Variants in COL4A4 observed in about 807,000 individuals in gnomAD.
COL4A4 encodes the protein collagen alpha-4(IV) chain.
COL4A4 carries 105 observed loss-of-function variants against 192.9 expected under a neutral mutation model. The observed-to-expected ratio is 0.54, with a 90% confidence interval of 0.46 to 0.64. The LOEUF is 0.64. COL4A4 is among the 30% of genes least tolerant of loss of function. The pLI is 0.00. For synonymous variants in COL4A4, 762 were observed against 769.9 expected (o/e 0.99, Z 0.17); for missense variants, 1,967 against 2,169.3 (o/e 0.91, Z 1.85).
intron 46 of COL4A4, among the ~76,000 whole-genome samples, chr2:227,009,240 G>A (rs1373041202): frequency 6.6e-6 from 1 of 152,174 alleles, no homozygotes; most frequent in African/African-American, 2.4e-5. Context: ...TGGGGTCACT[G>A]CCTAGTGAGA....
Position 227,062,524 on chromosome 2 carries a change from T to C in COL4A4, c.2056+6A>G, listed in dbSNP as rs757393720. On this transcript the variant is annotated splice_donor_region_variant and intron_variant, in intron 26 of 47. Coordinates refer to ENST00000396625, the MANE Select transcript of COL4A4 (RefSeq NM_000092.5). The stretch of plus-strand genomic sequence containing the variant: ...ATATAAGACAGTAACTTCTCATTGA[T>C]AATACCTGGAGGTCCATCAAAACCT... The C allele has an allele frequency of 6.4e-7, 1 of 1,573,128 alleles. No homozygotes were observed. The highest frequency in any genetic ancestry group is 1.1e-5 in the South Asian group (1 of 90,270).
intron 1 of COL4A4, among the ~76,000 whole-genome samples, chr2:227,153,247 G>A (rs906874915): frequency 6.6e-6 from 1 of 152,168 alleles, no homozygotes; most frequent in Non-Finnish European, 1.5e-5. Flanking sequence ...TGAGGTTTGG[G>A]TGGAGACACA....
rs6436649 is a variant in COL4A4, at chr2:227,059,236, A to G, written c.2383+169T>C. Among the ~76,000 whole-genome samples the G allele has an allele frequency of 0.66, 100,888 of 152,184 alleles. 34,364 individuals are homozygous for G. The highest frequency in any genetic ancestry group is 0.82 in the African/African-American group (33,983 of 41,522). Reference sequence around the variant, plus strand: ...ATCAATAAAGTGCAAAGGCAAGGCTAGAGATTCAGGTTATTTGAAATGTAA... The same window carrying G: ...ATCAATAAAGTGCAAAGGCAAGGCTGGAGATTCAGGTTATTTGAAATGTAA... On this transcript the variant is annotated intron_variant, in intron 28 of 47. Coordinates refer to ENST00000396625, the MANE Select transcript of COL4A4 (RefSeq NM_000092.5).
downstream of COL4A4, among the ~76,000 whole-genome samples, chr2:227,000,891 G>A (rs1960769004): frequency 6.6e-6 from 1 of 152,048 alleles, no homozygotes; most frequent in Non-Finnish European, 1.5e-5. Context: ...GAGCTTCCCT[G>A]CACAAGCTCT....
chr2:227,084,863 G>A (rs1358348092), intron 22 of COL4A4, among the ~76,000 whole-genome samples: 1 of 152,168 alleles, frequency 6.6e-6, no homozygotes, highest in Non-Finnish European at 1.5e-5. Flanking sequence ...TGGGCACGGT[G>A]GCTCATGCCT....
At chr2:227,107,911 C>T (rs747770391) in intron 12 of COL4A4, among the ~76,000 whole-genome samples, 57 of 152,022 alleles carry the variant, frequency 3.7e-4, no homozygotes, top group Non-Finnish European at 6.5e-4. Context: ...GCACGCACCA[C>T]CACGCCCAGC....
At chr2:227,147,231 G>C in intron 2 of COL4A4, 182 bp downstream of exon 2, 1 of 722,488 alleles carries the variant, frequency 1.4e-6, no homozygotes, top group Non-Finnish European at 2.5e-6. Context: ...GCATTTCAGG[G>C]AAAATTGAGA....
At position 227,060,124 on chromosome 2, in the gene COL4A4, AAC is replaced by A; in HGVS notation, c.2164+10_2164+11del. On this transcript the variant is annotated intron_variant, in intron 27 of 47. Transcript: ENST00000396625. ...CAGAAAAAAAAAAAAAAAAAAAAAA[AAC>A]CTCACTGACCAGGTGGACCTGGTAT... The A allele has an allele frequency of 6.9e-7, 1 of 1,450,520 alleles. No homozygotes were observed. Among genetic ancestry groups the A allele is most frequent in the Non-Finnish European group, 9.5e-7 (1 of 1,055,424 alleles). 89.9% of individuals were successfully genotyped at this position (1,450,520 alleles called of 1,614,324 possible). A position where few individuals can be genotyped will look rare whatever the true frequency, so the allele number is the denominator to read the frequency against.
At chr2:226,979,389 GCCC>G in the COL4A4 span, among the ~76,000 whole-genome samples, 4 of 152,088 alleles carry the variant, frequency 2.6e-5, no homozygotes, top group Non-Finnish European at 5.9e-5. Context: ...CTGTTAACAG[GCCC>G]CCATCTCACC....
At chr2:227,013,097 A>C (rs1052573238) in intron 44 of COL4A4, among the ~76,000 whole-genome samples, 3 of 152,136 alleles carry the variant, frequency 2.0e-5, no homozygotes, top group African/African-American at 7.2e-5. Flanking sequence ...GGGGTTCTTT[A>C]AGTATGCAGT....
chr2:226,994,402 C>T, the COL4A4 span, among the ~76,000 whole-genome samples: 36 of 152,074 alleles, frequency 2.4e-4, no homozygotes, highest in Admixed American at 1.2e-3. Flanking sequence ...CGGAAGGTGC[C>T]GAAAGCTGAA....
chr2:227,138,098 A>T (rs1205897162), intron 4 of COL4A4, among the ~76,000 whole-genome samples: 1 of 151,374 alleles, frequency 6.6e-6, no homozygotes, highest in African/African-American at 2.4e-5. Context: ...GAGTTTGAGA[A>T]CAGCCTGAGA....
intron 34 of COL4A4, among the ~76,000 whole-genome samples, chr2:227,048,355 T>A (rs1973339177): frequency 6.6e-6 from 1 of 152,188 alleles, no homozygotes; most frequent in Non-Finnish European, 1.5e-5. Context: ...TCTGGCCCAT[T>A]CCAGGTCAAA....
intron 43 of COL4A4, 28 bp downstream of exon 43, chr2:227,025,774 A>C (rs199514430): frequency 6.2e-7 from 1 of 1,607,368 alleles, no homozygotes; most frequent in African/African-American, 1.3e-5. Context: ...GAGTGAGGGG[A>C]AATTACCAAT....
At chr2:227,110,680 CTTTTTTT>C (rs34785989) in intron 9 of COL4A4, among the ~76,000 whole-genome samples, 1 of 94,286 alleles carries the variant, frequency 1.1e-5, no homozygotes, top group Admixed American at 1.3e-4. Flanking sequence ...CTCACCCAGT[CTTTTTTT>C]TTTTTTTTTT....
chr2:227,101,968 C>T lies in COL4A4; in HGVS notation c.931-59G>A, dbSNP rs556927574. The T allele has an allele frequency of 4.2e-5, 52 of 1,252,620 alleles. 1 individual carries two copies. In the South Asian group the frequency reaches 6.3e-4, roughly 15 times the overall value. The allele number at this position is 1,252,620 out of a possible 1,614,324, so 77.6% of individuals were successfully genotyped here. On this transcript the variant is annotated intron_variant, in intron 15 of 47. Transcript: ENST00000396625. ...TTAAATCAGAATGCATTAACCAGCTCAGTGCATCATTTTTCACCTTATCAA... is the reference window on the plus strand; with the variant it reads ...TTAAATCAGAATGCATTAACCAGCTTAGTGCATCATTTTTCACCTTATCAA...
chr2:227,064,932 G>A (rs1249622), intron 25 of COL4A4, among the ~76,000 whole-genome samples: 1 of 152,138 alleles, frequency 6.6e-6, no homozygotes, highest in Admixed American at 6.5e-5. Context: ...CCCAGCGCGC[G>A]CGACGCAGAA....
intron 25 of COL4A4, among the ~76,000 whole-genome samples, chr2:227,074,834 G>T (rs554920567): frequency 6.6e-6 from 1 of 152,118 alleles, no homozygotes; most frequent in East Asian, 1.9e-4. Flanking sequence ...TCTCACTTAC[G>T]AGTGGGAGGT....
intron 42 of COL4A4, among the ~76,000 whole-genome samples, chr2:227,026,861 A>G (rs1029949835): frequency 2.6e-5 from 4 of 152,248 alleles, no homozygotes; most frequent in Middle Eastern, 3.2e-3. Context: ...AAAATCAATG[A>G]AAATTCAGGG....
Sources: gnomAD v4.1 joint callset for allele counts (sites outside exome capture counted in the v4.1 genomes callset) on GRCh38, gnomAD v4.1.1 for gene constraint, MANE v1.5 for transcripts, NCBI Gene and HGNC (gene_info 2026-07-23, HGNC 2026-07-21) for gene names.